Variants in PRR12 observed in about 807,000 individuals in gnomAD.
The protein encoded by PRR12 is proline rich 12.
Under a neutral mutation model 138.0 loss-of-function variants are expected in PRR12, and 12 were observed. The ratio of observed to expected loss-of-function variants is 0.09; its 90% CI spans 0.06 to 0.14. The LOEUF (loss-of-function observed/expected upper bound fraction) is 0.14. Ranked by LOEUF, PRR12 falls within the 10% of genes least tolerant of loss-of-function variation. The pLI is 1.00. For synonymous variants in PRR12, 1,567 were observed against 1,291.7 expected, an observed-to-expected ratio of 1.21 and a Z score of -4.57; for missense variants, 2,692 against 2,861.3, an observed-to-expected ratio of 0.94 and a Z score of 1.35.
Position 49,601,633 on chromosome 19 carries a change from A to C in PRR12, c.4488A>C (p.Pro1496=), listed in dbSNP as rs369659675. The change falls in exon 6 of 14, where the codon CCA becomes CCC. Residue 1496 remains proline (P), a synonymous_variant. Coordinates refer to ENST00000418929, the MANE Select transcript of PRR12 (RefSeq NM_020719.3). ...PPLVAPTPSS[P]PPPPLPPPPP... ...TGGTGGCCCCCACGCCCAGCTCACC[A>C]CCGCCACCGCCGCTGCCGCCGCCAC... 1.3e-6 allele frequency: 2 copies of C among 1,527,898 alleles called. No homozygotes were observed. The highest frequency in any genetic ancestry group is 2.4e-5 in the South Asian group (2 of 83,020). The allele number at this position is 1,527,898 out of a possible 1,614,324, so 94.6% of individuals were successfully genotyped here. A position where few individuals can be genotyped will look rare whatever the true frequency, so the allele number is the denominator to read the frequency against.
In PRR12 at chr19:49,601,570, T is replaced by G; in HGVS notation, c.4425T>G (p.Pro1475=). ...PTPQPQPPPP[P]PPPQPALPSP... Reference sequence around the variant, plus strand: ...CTCAGCCTCAGCCTCCGCCACCCCCTCCGCCGCCACAGCCAGCCCTGCCCT... The same window carrying G: ...CTCAGCCTCAGCCTCCGCCACCCCCGCCGCCGCCACAGCCAGCCCTGCCCT... The change falls in exon 6 of 14, where the codon CCT becomes CCG. Residue 1475 remains proline, a synonymous_variant. Coordinates refer to ENST00000418929, the MANE Select transcript of PRR12 (RefSeq NM_020719.3). The G allele has an allele frequency of 9.6e-7, 1 of 1,040,364 alleles. No individual in the cohort carries two copies. Among genetic ancestry groups the G allele is most frequent in the African/African-American group, 2.7e-5 (1 of 37,146 alleles). The allele number at this position is 1,040,364 out of a possible 1,614,324, so 64.4% of individuals were successfully genotyped here. A position where few individuals can be genotyped will look rare whatever the true frequency, so the allele number is the denominator to read the frequency against.
rs2080762274 is a variant in PRR12, at chr19:49,595,639, C to T, written c.1304C>T (p.Ala435Val). Residue 435 changes from alanine to valine, a missense_variant, in exon 4 of 14, where the codon GCT becomes GTT. By Grantham distance (64) the Ala-to-Val change is moderately conservative (BLOSUM62 0). This residue lies in a region of PRR12 where 523 missense variants were observed against 496.4 expected (regional missense o/e 1.05). Transcript: ENST00000418929. ...TATGCCACTGGGAAGGCCTCTGGGGCTGGAGGGGCAGGGGGCCAGGCTTAT... is the reference window on the plus strand; with the variant it reads ...TATGCCACTGGGAAGGCCTCTGGGGTTGGAGGGGCAGGGGGCCAGGCTTAT... The part of the protein sequence containing the change: ...AAYATGKASG[A>V]GGAGGQAYSP... The T allele has an allele frequency of 6.2e-7, 1 of 1,605,702 alleles. No homozygotes were observed. The highest frequency in any genetic ancestry group is 1.3e-5 in the African/African-American group (1 of 74,688).
chr19:49,602,119 C>G (rs1224651539), intron 6 of PRR12, among the ~76,000 whole-genome samples: 1 of 152,194 alleles, frequency 6.6e-6, no homozygotes, highest in East Asian at 1.9e-4. Context: ...TGTGTCTGTA[C>G]ATGCATTACC....
rs370111226 is a variant in PRR12, at chr19:49,624,975, C to T, written c.5853C>T (p.Ser1951=). Residue 1951 remains serine (S), a synonymous_variant, in exon 12 of 14, where the codon AGC becomes AGT. Transcript: ENST00000418929. ...NRKTLSKLKR[S]VVRAQEFKVE... The stretch of plus-strand genomic sequence containing the variant: ...AGACGCTCAGCAAGCTCAAGAGGAG[C>T]GTGGTCAGAGCCCAGGTGGGCACTG... 2.3e-5 allele frequency: 37 copies of T among 1,597,442 alleles called. No homozygotes were observed. In the African/African-American group the frequency reaches 3.6e-4, roughly 16 times the overall value.
Position 49,614,868 on chromosome 19 carries a change from C to T in PRR12, c.4891-8C>T. ...AGAATTTCCTCATGTGCCTCTTTCT[C>T]CCCATAGTATTTGGGGTATTTTGGG... On this transcript the variant is annotated splice_region_variant and splice_polypyrimidine_tract_variant and intron_variant, in intron 7 of 13. Coordinates refer to ENST00000418929, the MANE Select transcript of PRR12 (RefSeq NM_020719.3). The surrounding 1 kb of genome is among the most constrained non-coding windows in gnomAD (Gnocchi z 5.0). 1.2e-6 allele frequency: 2 copies of T among 1,613,944 alleles called. No individual in the cohort carries two copies. Among genetic ancestry groups the T allele is most frequent in the Non-Finnish European group, 1.7e-6 (2 of 1,179,858 alleles).
In PRR12 at chr19:49,614,471, G is replaced by T; in HGVS notation, c.4774-62G>T. On this transcript the variant is annotated intron_variant, in intron 6 of 13. Coordinates refer to ENST00000418929, the MANE Select transcript of PRR12 (RefSeq NM_020719.3). The surrounding 1 kb of genome is among the most constrained non-coding windows in gnomAD (Gnocchi z 5.0). ...AGGGAAGCCAGTGGGCCAGGGCGTA[G>T]GGGCAGTAGGTCTAGGAATGAGGGC... 1 of 1,232,544 alleles carries T rather than the reference G, an allele frequency of 8.1e-7. No homozygotes were observed. The highest frequency in any genetic ancestry group is 1.5e-5 in the South Asian group (1 of 65,174). 76.4% of individuals were successfully genotyped at this position (1,232,544 alleles called of 1,614,324 possible).
intron 6 of PRR12, among the ~76,000 whole-genome samples, chr19:49,609,884 G>A (rs1030039283): frequency 1.3e-5 from 2 of 152,174 alleles, no homozygotes; most frequent in African/African-American, 4.8e-5. Context: ...GGAAGTGACT[G>A]GGGAGTTGTT....
Position 49,625,331 on chromosome 19 carries a change from A to T in PRR12, c.5965-130A>T. 1 of 1,438,352 alleles carries T rather than the reference A, an allele frequency of 7.0e-7. No homozygotes were observed. Among genetic ancestry groups the T allele is most frequent in the Non-Finnish European group, 9.5e-7 (1 of 1,054,054 alleles). The allele number at this position is 1,438,352 out of a possible 1,614,324, so 89.1% of individuals were successfully genotyped here. ...GTTCAGGTCCTTCTGTCTTGGACTTAAGAATGCAGCCCCCAGCCCTGGTCT... is the reference window on the plus strand; with the variant it reads ...GTTCAGGTCCTTCTGTCTTGGACTTTAGAATGCAGCCCCCAGCCCTGGTCT... On this transcript the variant is annotated intron_variant, in intron 13 of 13. Coordinates refer to ENST00000418929, the MANE Select transcript of PRR12 (RefSeq NM_020719.3). This position sits in a 1 kb window ranked among gnomAD's most constrained non-coding sequence, Gnocchi z 5.5.
Position 49,614,420 on chromosome 19 carries a change from T to C in PRR12, c.4774-113T>C, listed in dbSNP as rs1243619976. On this transcript the variant is annotated intron_variant, in intron 6 of 13. Coordinates refer to ENST00000418929, the MANE Select transcript of PRR12 (RefSeq NM_020719.3). The surrounding 1 kb of genome is among the most constrained non-coding windows in gnomAD (Gnocchi z 5.0). ...GTAGAAGATATTTGTTGTTGACGTG[T>C]CTGCCTTTTCTCTAAGGGGATGGTG... 8.9e-6 allele frequency: 6 copies of C among 675,474 alleles called. No homozygotes were observed. Among genetic ancestry groups the C allele is most frequent in the South Asian group, 1.9e-5 (1 of 51,370 alleles). 41.8% of individuals were successfully genotyped at this position (675,474 alleles called of 1,614,324 possible). A position where few individuals can be genotyped will look rare whatever the true frequency, so the allele number is the denominator to read the frequency against.
Position 49,620,319 on chromosome 19 carries a change from G to C in PRR12, c.5498-33G>C, listed in dbSNP as rs758620867. 8.7e-6 allele frequency: 14 copies of C among 1,611,472 alleles called. No individual in the cohort carries two copies. In the South Asian group the frequency reaches 1.3e-4, roughly 15 times the overall value. On this transcript the variant is annotated intron_variant, in intron 9 of 13. Coordinates refer to ENST00000418929, the MANE Select transcript of PRR12 (RefSeq NM_020719.3). ...ACACAGGTGGTCTCAGAGGAAATTG[G>C]GATAACGAGCCTGCGTCCTGTCTTT...
At position 49,597,933 on chromosome 19, in the gene PRR12, C is replaced by T; in HGVS notation, c.3598C>T (p.Pro1200Ser). 7.1e-7 allele frequency: 1 copy of T among 1,403,996 alleles called. No individual in the cohort carries two copies. Among genetic ancestry groups the T allele is most frequent in the Non-Finnish European group, 9.2e-7 (1 of 1,082,874 alleles). The allele number at this position is 1,403,996 out of a possible 1,614,324, so 87.0% of individuals were successfully genotyped here. ...ASTPTDGAKK[P>S]RGRGRGRGRK... ...CACGCCCACCGATGGCGCCAAGAAA[C>T]CCCGGGGCCGGGGCCGAGGCCGGGG... The change falls in exon 4 of 14, where the codon CCC (proline) becomes TCC (serine). Residue 1200 changes from proline to serine, a missense_variant. By Grantham distance (74) the Pro-to-Ser change is moderately conservative (BLOSUM62 -1). Coordinates refer to ENST00000418929, the MANE Select transcript of PRR12 (RefSeq NM_020719.3). The surrounding 1 kb of genome is among the most constrained non-coding windows in gnomAD (Gnocchi z 6.3).
chr19:49,606,312 C>T (rs1240151895), intron 6 of PRR12, among the ~76,000 whole-genome samples: 17 of 139,976 alleles, frequency 1.2e-4, no homozygotes, highest in Admixed American at 1.2e-3. Context: ...ACTTTTTTTT[C>T]TTCTTTTTTT....
rs2080923820 is a variant in PRR12, at chr19:49,621,589, C to T, written c.5688C>T (p.Val1896=). ...TGCTGAATGAGCACAAGAAGAAAGT[C>T]CTGAAGCGGCTGTCGCTAAGCCCAG... is the stretch of plus-strand genomic sequence containing the variant. ...DGLLNEHKKK[V]LKRLSLSPAL... Residue 1896 remains valine (V), a synonymous_variant, in exon 11 of 14, where the codon GTC becomes GTT. Transcript: ENST00000418929. 1 of 1,603,396 alleles carries T rather than the reference C, an allele frequency of 6.2e-7. No individual in the cohort carries two copies.
At position 49,597,966 on chromosome 19, in the gene PRR12, G is replaced by T; in HGVS notation, c.3631G>T (p.Ala1211Ser). The part of the protein sequence containing the change: ...RGRGRGRGRK[A>S]EEAGGTRLEP... ...CCGGGGCCGAGGCCGGGGTCGAAAG[G>T]CTGAGGAGGCAGGGGGCACCCGGTT... Residue 1211 changes from alanine to serine, a missense_variant, in exon 4 of 14, where the codon GCT (alanine) becomes TCT (serine). Ala to Ser is a moderately conservative substitution (Grantham distance 99). Coordinates refer to ENST00000418929, the MANE Select transcript of PRR12 (RefSeq NM_020719.3). The surrounding 1 kb of genome is among the most constrained non-coding windows in gnomAD (Gnocchi z 6.3). 7.2e-7 allele frequency: 1 copy of T among 1,397,480 alleles called. No individual in the cohort carries two copies. 86.6% of individuals were successfully genotyped at this position (1,397,480 alleles called of 1,614,324 possible).
In PRR12 at chr19:49,595,110, G is replaced by A. The variant is rs767487341; in HGVS notation, c.775G>A (p.Glu259Lys). The A allele has an allele frequency of 1.1e-5, 17 of 1,611,486 alleles. No individual in the cohort carries two copies. Among genetic ancestry groups the A allele is most frequent in the African/African-American group, 1.3e-5 (1 of 74,672 alleles). The change falls in exon 4 of 14, where the codon GAG (glutamate) becomes AAG (lysine). Residue 259 changes from glutamate to lysine, a missense_variant. By Grantham distance (56) the Glu-to-Lys change is moderately conservative. Transcript: ENST00000418929. ...CTCTTCCGCTGCCGCCGCCGCTGCC[G>A]AGCAGTCCTCCCCACAGCTCTATAA... ...ASSSAAAAAAEQSSPQLYNFS... is the reference protein window; with the variant it reads ...ASSSAAAAAAKQSSPQLYNFS...
chr19:49,593,318 T>TC lies in PRR12; in HGVS notation c.87-3dup, dbSNP rs754549274. The TC allele has an allele frequency of 8.7e-6, 13 of 1,493,346 alleles. No individual in the cohort carries two copies. The highest frequency in any genetic ancestry group is 1.2e-5 in the Non-Finnish European group (13 of 1,082,906). The allele number at this position is 1,493,346 out of a possible 1,614,324, so 92.5% of individuals were successfully genotyped here. On this transcript the variant is annotated splice_polypyrimidine_tract_variant and intron_variant, in intron 1 of 13. Transcript: ENST00000418929. ...GAAGAACCCCCTGACGTCTCCCCTT[T>TC]CCCCCCAGCTTGGTTTATGGCAGCT...
In PRR12 at chr19:49,597,785, T is replaced by C; in HGVS notation, c.3450T>C (p.Asp1150=). 6.3e-7 allele frequency: 1 copy of C among 1,579,982 alleles called. No individual in the cohort carries two copies. Among genetic ancestry groups the C allele is most frequent in the African/African-American group, 1.4e-5 (1 of 73,454 alleles). ...TCTGCCCACCCAACCCAGGACCCGATGGCCCCCGGCGCCGTGGCCGCAAGC... is the reference window on the plus strand; with the variant it reads ...TCTGCCCACCCAACCCAGGACCCGACGGCCCCCGGCGCCGTGGCCGCAAGC... The part of the protein sequence containing the change: ...IDFCPPNPGP[D]GPRRRGRKPT... Residue 1150 remains aspartate (D), a synonymous_variant, in exon 4 of 14, where the codon GAT becomes GAC. Transcript: ENST00000418929. This position sits in a 1 kb window ranked among gnomAD's most constrained non-coding sequence, Gnocchi z 6.3.
At chr19:49,622,493 G>A (rs921995697) in intron 11 of PRR12, among the ~76,000 whole-genome samples, 26 of 151,856 alleles carry the variant, frequency 1.7e-4, no homozygotes, top group Non-Finnish European at 5.9e-5. Context: ...CCTGGAGGCT[G>A]AGGCAGGAGA....
chr19:49,599,014 C>T lies in PRR12; in HGVS notation c.3679-258C>T, dbSNP rs944587822. Among the ~76,000 whole-genome samples the T allele has an allele frequency of 1.3e-5, 2 of 151,974 alleles. No homozygotes were observed. The highest frequency in any genetic ancestry group is 4.8e-5 in the African/African-American group (2 of 41,360). On this transcript the variant is annotated intron_variant, in intron 4 of 13. Coordinates refer to ENST00000418929, the MANE Select transcript of PRR12 (RefSeq NM_020719.3). This position sits in a 1 kb window ranked among gnomAD's most constrained non-coding sequence, Gnocchi z 5.0. ...GATGGGCATTCAGGGATCCTACATT[C>T]CTGGGTCTCATGGGAAGCGGGTCTA...
Sources: allele counts gnomAD v4.1 joint callset (sites outside exome capture counted in the v4.1 genomes callset), GRCh38; gene constraint gnomAD v4.1.1; regional missense constraint gnomAD v4.1.1; non-coding constraint Gnocchi (gnomAD v3.1); transcripts MANE v1.5; gene names NCBI Gene and HGNC (gene_info 2026-07-23, HGNC 2026-07-21).